Variants in AKAP9 observed in about 807,000 individuals in gnomAD.
The protein encoded by AKAP9 is A-kinase anchor protein 9.
AKAP9 carries 311 observed loss-of-function variants against 488.5 expected under a neutral mutation model. The ratio of observed to expected loss-of-function variants is 0.64; its 90% confidence interval spans 0.58 to 0.70. The LOEUF is 0.70. Ranked by LOEUF, AKAP9 falls within the 30% of genes least tolerant of loss-of-function variation. AKAP9 has a pLI of 0.00. For missense variants in AKAP9, 4,215 were observed against 4,374.5 expected (o/e 0.96, Z 1.03); for synonymous variants, 1,462 against 1,483.5 (o/e 0.99, Z 0.33).
At position 92,003,197 on chromosome 7, in the gene AKAP9, A is replaced by G; in HGVS notation, c.3280A>G (p.Lys1094Glu). The G allele has an allele frequency of 6.2e-7, 1 of 1,610,362 alleles. No homozygotes were observed. The highest frequency in any genetic ancestry group is 8.5e-7 in the Non-Finnish European group (1 of 1,177,440). The change falls in exon 8 of 50, where the codon AAA becomes GAA. Residue 1094 changes from lysine to glutamate, a missense_variant. By Grantham distance (56) the Lys-to-Glu change is moderately conservative. Coordinates refer to ENST00000356239, the MANE Select transcript of AKAP9 (RefSeq NM_005751.5). Reference protein sequence around the residue: ...LRATQPSENDKLQKELNVLKS... With the variant: ...LRATQPSENDELQKELNVLKS... ...AGCAACTCAACCAAGTGAAAATGAT[A>G]AACTTCAGAAAGAACTCAATGTACT...
intron 12 of AKAP9, among the ~76,000 whole-genome samples, chr7:92,019,601 A>G (rs1013736379): frequency 1.3e-5 from 2 of 151,386 alleles, no homozygotes; most frequent in Non-Finnish European, 2.9e-5. Flanking sequence ...GGATTTATGA[A>G]CTAGTTTAAG....
At position 92,089,376 on chromosome 7, in the gene AKAP9, T is replaced by C. The variant is rs746105122; in HGVS notation, c.9214-9T>C. On this transcript the variant is annotated splice_polypyrimidine_tract_variant and intron_variant, in intron 37 of 49. Coordinates refer to ENST00000356239, the MANE Select transcript of AKAP9 (RefSeq NM_005751.5). ...CTCTTCACTTGTTTTTTACCTTCCT[T>C]TGTTACAGGGTGTTGAATATCAAGC... is the stretch of plus-strand genomic sequence containing the variant. 9.3e-6 allele frequency: 15 copies of C among 1,611,320 alleles called. No individual in the cohort carries two copies. Among genetic ancestry groups the C allele is most frequent in the African/African-American group, 1.3e-5 (1 of 74,836 alleles).
intron 45 of AKAP9, among the ~76,000 whole-genome samples, chr7:92,101,270 A>G: frequency 6.6e-6 from 1 of 152,112 alleles, no homozygotes. Context: ...CCCCGTCTCT[A>G]CTAAAAATAC....
intron 16 of AKAP9, among the ~76,000 whole-genome samples, chr7:92,037,259 C>G (rs1267705246): frequency 6.6e-6 from 1 of 152,130 alleles, no homozygotes; most frequent in Non-Finnish European, 1.5e-5. Context: ...TTTTGAACCC[C>G]AGCTTCAATG....
At chr7:92,095,874 A>G (rs997118550) in intron 40 of AKAP9, among the ~76,000 whole-genome samples, 8 of 152,158 alleles carry the variant, frequency 5.3e-5, no homozygotes, top group African/African-American at 1.9e-4. Flanking sequence ...CTCCCTAGGT[A>G]CCAATTATAG....
At chr7:91,960,855 C>T (rs1275814514) in intron 1 of AKAP9, among the ~76,000 whole-genome samples, 2 of 152,172 alleles carry the variant, frequency 1.3e-5, no homozygotes, top group Non-Finnish European at 2.9e-5. Flanking sequence ...ACTCTACAAC[C>T]ACATCTCTTT....
chr7:92,022,721 A>G (rs1802492601), intron 13 of AKAP9, 93 bp from the exon 14 acceptor site: 2 of 877,688 alleles, frequency 2.3e-6, no homozygotes. Context: ...CTTTTTCAAA[A>G]AAGAATTAAT....
intron 28 of AKAP9, among the ~76,000 whole-genome samples, chr7:92,072,918 G>GGGAA (rs1295463849): frequency 6.6e-6 from 1 of 152,170 alleles, no homozygotes; most frequent in African/African-American, 2.4e-5. Flanking sequence ...TGAGCCTTAA[G>GGGAA]GGAAGTTAAA....
intron 15 of AKAP9, among the ~76,000 whole-genome samples, chr7:92,031,018 A>G (rs1166326716): frequency 2.6e-5 from 4 of 152,206 alleles, no homozygotes; most frequent in African/African-American, 4.8e-5. Context: ...ATAAAGAAAT[A>G]CTTTCATACT....
chr7:92,043,446 A>G lies in AKAP9; in HGVS notation c.5162+675A>G, dbSNP rs1806449675. On this transcript the variant is annotated intron_variant, in intron 20 of 49. Coordinates refer to ENST00000356239, the MANE Select transcript of AKAP9 (RefSeq NM_005751.5). ...TGTTTATTTTATATTATTTATCTCT[A>G]ATTGGTAAATTTTGAAAACTATGCA... is the stretch of plus-strand genomic sequence containing the variant. The G allele has an allele frequency of 4.8e-6, 3 of 622,194 alleles. No homozygotes were observed. The South Asian group carries it at 2.1e-4, about 44-fold the overall frequency. 38.5% of individuals were successfully genotyped at this position (622,194 alleles called of 1,614,324 possible).
At chr7:92,041,912 C>T (rs1458757013) in intron 18 of AKAP9, 134 bp from the exon 19 acceptor site, 3 of 888,622 alleles carry the variant, frequency 3.4e-6, no homozygotes, top group African/African-American at 1.7e-5. Flanking sequence ...ACTTTTAACC[C>T]CTTACGATGG....
chr7:91,956,340 C>G (rs547290367), intron 1 of AKAP9, among the ~76,000 whole-genome samples: 1 of 144,620 alleles, frequency 6.9e-6, no homozygotes, highest in East Asian at 2.1e-4. Context: ...GCAGAACTTG[C>G]AATGGGCCGA....
chr7:92,105,394 C>T (rs993171340), intron 46 of AKAP9, among the ~76,000 whole-genome samples: 4 of 152,060 alleles, frequency 2.6e-5, no homozygotes, highest in African/African-American at 9.7e-5. Flanking sequence ...TCTACTTTTG[C>T]CTTCCATCTC....
At chr7:92,028,154 C>A (rs1162827288) in intron 14 of AKAP9, among the ~76,000 whole-genome samples, 3 of 151,940 alleles carry the variant, frequency 2.0e-5, no homozygotes, top group East Asian at 3.9e-4. Context: ...ACAAACACTG[C>A]GGAAGGCCGC....
rs200730225 is a variant in AKAP9, at chr7:92,040,901, A to C, written c.4917+3A>C. On this transcript the variant is annotated splice_donor_region_variant and intron_variant, in intron 18 of 49. Coordinates refer to ENST00000356239, the MANE Select transcript of AKAP9 (RefSeq NM_005751.5). ...GACTTAATAGACAATTAGCCCAGGTAAGGGTCTTGTAGTCCCCTTTCTCTC... is the reference window on the plus strand; with the variant it reads ...GACTTAATAGACAATTAGCCCAGGTCAGGGTCTTGTAGTCCCCTTTCTCTC... 81 of 1,607,072 alleles carry C rather than the reference A, an allele frequency of 5.0e-5. No individual in the cohort carries two copies. The African/African-American group carries it at 1.0e-3, about 20-fold the overall frequency.
chr7:92,046,493 G>C lies in AKAP9; in HGVS notation c.5368+1280G>C, dbSNP rs1260675491. On this transcript the variant is annotated intron_variant, in intron 21 of 49. Coordinates refer to ENST00000356239, the MANE Select transcript of AKAP9 (RefSeq NM_005751.5). ...TGTTTCTAGGTACAGAGAAAAGCTTGATTTGGAATTGCAAATAAAACTGAT... is the reference window on the plus strand; with the variant it reads ...TGTTTCTAGGTACAGAGAAAAGCTTCATTTGGAATTGCAAATAAAACTGAT... Among the ~76,000 whole-genome samples the C allele has an allele frequency of 2.0e-5, 3 of 152,328 alleles. No homozygotes were observed. The East Asian group carries it at 5.8e-4, about 29-fold the overall frequency.
chr7:92,107,378 A>G lies in AKAP9; in HGVS notation c.11502A>G (p.Arg3834=), dbSNP rs756488919. The G allele has an allele frequency of 6.2e-7, 1 of 1,613,876 alleles. No homozygotes were observed. The highest frequency in any genetic ancestry group is 1.1e-5 in the South Asian group (1 of 91,080). Residue 3834 remains arginine (R), a synonymous_variant, in exon 48 of 50, where the codon AGA becomes AGG. Coordinates refer to ENST00000356239, the MANE Select transcript of AKAP9 (RefSeq NM_005751.5). ...CAAGACATACTACGTATCGCTCAAG[A>G]TCAGATCTGGACTATATTAGGTCCC... The part of the protein sequence containing the change: ...GEPRHTTYRS[R]SDLDYIRSPL...
chr7:92,083,173 A>C lies in AKAP9; in HGVS notation c.8164A>C (p.Lys2722Gln). The change falls in exon 33 of 50, where the codon AAA becomes CAA. Residue 2722 changes from lysine (K) to glutamine (Q), a missense_variant. Physicochemically the swap from Lys to Gln is moderately conservative, Grantham distance 53 (BLOSUM62 1). Coordinates refer to ENST00000356239, the MANE Select transcript of AKAP9 (RefSeq NM_005751.5). ...TGTTCTATTCATTACGTTTTAGGTA[A>C]AAGAAACAAATATGACATCTCTTCA... ...AEKLQEELLV[K>Q]ETNMTSLQKD... 6.2e-7 allele frequency: 1 copy of C among 1,613,886 alleles called. No individual in the cohort carries two copies. The highest frequency in any genetic ancestry group is 8.5e-7 in the Non-Finnish European group (1 of 1,179,918).
intron 16 of AKAP9, among the ~76,000 whole-genome samples, chr7:92,032,762 AT>A (rs559159995): frequency 2.9e-4 from 44 of 149,578 alleles, no homozygotes; most frequent in Middle Eastern, 3.5e-3. Flanking sequence ...AAACACTATC[AT>A]TTTTTTTTTA....
Sources: allele counts gnomAD v4.1 joint callset (sites outside exome capture counted in the v4.1 genomes callset), GRCh38; gene constraint gnomAD v4.1.1; transcripts MANE v1.5; gene names NCBI Gene and HGNC (gene_info 2026-07-23, HGNC 2026-07-21).